Variants in CLNK observed in about 807,000 individuals in gnomAD.
CLNK encodes the protein cytokine-dependent hematopoietic cell linker.
CLNK carries 74 observed loss-of-function variants against 68.6 expected under a neutral mutation model. The observed-to-expected ratio is 1.08, with a 90% confidence interval of 0.89 to 1.31. The LOEUF is 1.31. CLNK is among the 50% of genes most tolerant of loss of function. CLNK has a pLI of 0.00. For synonymous variants in CLNK, 198 were observed against 172.2 expected (o/e 1.15, Z -1.17); for missense variants, 553 against 515.3 (o/e 1.07, Z -0.71).
chr4:10,612,853 C>T (rs903587804), intron 2 of CLNK, among the ~76,000 whole-genome samples: 3 of 152,110 alleles, frequency 2.0e-5, no homozygotes, highest in East Asian at 1.9e-4. Flanking sequence ...CATTTGGCAT[C>T]GAAGGTGTTT....
intron 17 of CLNK, among the ~76,000 whole-genome samples, chr4:10,504,067 C>T (rs1347811924): frequency 2.0e-5 from 3 of 150,476 alleles, no homozygotes; most frequent in African/African-American, 4.9e-5. Flanking sequence ...ACGTGTGAGC[C>T]ATCGCGCCCG....
chr4:10,664,138 T>C (rs1370932550), intron 2 of CLNK, among the ~76,000 whole-genome samples: 2 of 152,146 alleles, frequency 1.3e-5, no homozygotes, highest in African/African-American at 4.8e-5. Flanking sequence ...GATTCCAGGT[T>C]ATAAAATTGT....
chr4:10,515,333 A>G lies in CLNK; in HGVS notation c.773-1736T>C, dbSNP rs144138783. On this transcript the variant is annotated intron_variant, in intron 15 of 18. Coordinates refer to ENST00000226951, the MANE Select transcript of CLNK (RefSeq NM_052964.4). ...AAGGCTCTGAATGGACTGTCTACTC[A>G]TATTTCTCCATCCTCATCCTGATTT... 6.5e-3 allele frequency among the ~76,000 whole-genome samples: 983 copies of G among 152,032 alleles called. 10 individuals carry two copies. The highest frequency in any genetic ancestry group is 0.023 in the African/African-American group (934 of 41,488).
intron 2 of CLNK, among the ~76,000 whole-genome samples, chr4:10,658,716 GACTGTTA>G (rs1395993951): frequency 6.6e-6 from 1 of 152,182 alleles, no homozygotes; most frequent in Non-Finnish European, 1.5e-5. Context: ...GAGCTGGCCA[GACTGTTA>G]AAGACTATGC....
intron 5 of CLNK, 42 bp from the exon 6 acceptor site, chr4:10,566,192 A>C: frequency 1.2e-6 from 2 of 1,603,316 alleles, no homozygotes; most frequent in Non-Finnish European, 1.7e-6. Context: ...AGGAAGGTAC[A>C]ATGTTGACAA....
At position 10,532,241 on chromosome 4, in the gene CLNK, A is replaced by G. The variant is rs571725468; in HGVS notation, c.630+15T>C. On this transcript the variant is annotated intron_variant, in intron 12 of 18. Transcript: ENST00000226951. Reference sequence around the variant, plus strand: ...AATTCCCTTCTTTGCTTCCAAGGATAAAATTGCTACTTACCTCACTTAAGT... The same window carrying G: ...AATTCCCTTCTTTGCTTCCAAGGATGAAATTGCTACTTACCTCACTTAAGT... 3.1e-6 allele frequency: 5 copies of G among 1,603,092 alleles called. No individual in the cohort carries two copies. The South Asian group carries it at 5.5e-5, about 18-fold the overall frequency.
rs1177675641 is a variant in CLNK at position 10,566,091 on chromosome 4, A to G, written c.210T>C (p.Asp70=). The G allele has an allele frequency of 6.2e-7, 1 of 1,613,938 alleles. No individual in the cohort carries two copies. Among genetic ancestry groups the G allele is most frequent in the Admixed American group, 1.7e-5 (1 of 60,022 alleles). The change falls in exon 6 of 19, where the codon GAT becomes GAC. Residue 70 remains aspartate, a synonymous_variant. Coordinates refer to ENST00000226951, the MANE Select transcript of CLNK (RefSeq NM_052964.4). The part of the protein sequence containing the change: ...GAKGHSDDDY[D]DPELRMEETW... ...TCTCTTCCATCCGAAGCTCAGGGTC[A>G]TCATAGTCATCATCACTGTGGCCTT... is the stretch of plus-strand genomic sequence containing the variant.
intron 4 of CLNK, among the ~76,000 whole-genome samples, chr4:10,572,742 TAAGTA>T (rs1280128729): frequency 6.6e-6 from 1 of 152,242 alleles, no homozygotes; most frequent in Non-Finnish European, 1.5e-5. Context: ...GAATTTCATC[TAAGTA>T]TTGTGGAGGA....
At chr4:10,625,583 G>C (rs1234614094) in intron 2 of CLNK, among the ~76,000 whole-genome samples, 1 of 152,144 alleles carries the variant, frequency 6.6e-6, no homozygotes, top group Non-Finnish European at 1.5e-5. Flanking sequence ...GAGAGATACA[G>C]AGAGACAGGG....
chr4:10,692,507 C>T, the CLNK span, among the ~76,000 whole-genome samples: 2 of 152,130 alleles, frequency 1.3e-5, no homozygotes, highest in Non-Finnish European at 2.9e-5. Flanking sequence ...AACGTGGCTC[C>T]CTAATGGTCA....
At chr4:10,525,604 A>G (rs1718282457) in intron 14 of CLNK, among the ~76,000 whole-genome samples, 1 of 152,188 alleles carries the variant, frequency 6.6e-6, no homozygotes, top group South Asian at 2.1e-4. Flanking sequence ...TTAATATTTA[A>G]TCCTTAAAAT....
At chr4:10,725,811 G>A in the CLNK span, among the ~76,000 whole-genome samples, 5 of 151,300 alleles carry the variant, frequency 3.3e-5, no homozygotes, top group African/African-American at 9.7e-5. Context: ...GCCGAGATGC[G>A]CCACTGCACT....
At chr4:10,636,591 T>C (rs1021910604) in intron 2 of CLNK, among the ~76,000 whole-genome samples, 1 of 151,542 alleles carries the variant, frequency 6.6e-6, no homozygotes, top group South Asian at 2.1e-4. Flanking sequence ...GGGACCTGAG[T>C]GGTCTTGGGT....
rs1717032737 is a variant in CLNK at position 10,501,254 on chromosome 4, ACCTCATCT to A, written c.1134_1140+1del. 6.4e-7 allele frequency: 1 copy of A among 1,566,746 alleles called. No individual in the cohort carries two copies. Among genetic ancestry groups the A allele is most frequent in the Non-Finnish European group, 8.6e-7 (1 of 1,164,560 alleles). On this transcript the variant is annotated splice_donor_variant and coding_sequence_variant, in exon 18 of 19. Transcript: ENST00000226951. LOFTEE classifies it high-confidence loss of function. ...ACAGGGAGGCTGTTAAGTTATACCC[ACCTCATCT>A]CCTCTGAGTCCTGTCCCCAGGGCAA...
At chr4:10,730,366 CAA>C in the CLNK span, among the ~76,000 whole-genome samples, 1 of 152,178 alleles carries the variant, frequency 6.6e-6, no homozygotes, top group African/African-American at 2.4e-5. Flanking sequence ...GGTCTATTGT[CAA>C]GTCGTACTGA....
At chr4:10,554,860 T>C (rs1377960912) in intron 8 of CLNK, among the ~76,000 whole-genome samples, 1 of 152,302 alleles carries the variant, frequency 6.6e-6, no homozygotes, top group African/African-American at 2.4e-5. Flanking sequence ...GCGCTTTGTA[T>C]AGTCTGGATG....
chr4:10,704,921 A>C, the CLNK span, among the ~76,000 whole-genome samples: 1 of 152,206 alleles, frequency 6.6e-6, no homozygotes, highest in Non-Finnish European at 1.5e-5. Context: ...TCTTAAATTC[A>C]GTCCTAAATG....
intron 2 of CLNK, among the ~76,000 whole-genome samples, chr4:10,599,622 C>G (rs766393279): frequency 6.6e-6 from 1 of 152,178 alleles, no homozygotes; most frequent in Non-Finnish European, 1.5e-5. Flanking sequence ...CCAGCAGACA[C>G]AGGCCTTTTT....
At chr4:10,705,690 T>A in the CLNK span, among the ~76,000 whole-genome samples, 1 of 152,230 alleles carries the variant, frequency 6.6e-6, no homozygotes, top group African/African-American at 2.4e-5. Flanking sequence ...CAAGCCAGGA[T>A]AATTTCTCAA....
Sources: gnomAD v4.1 joint callset for allele counts (sites outside exome capture counted in the v4.1 genomes callset) on GRCh38, gnomAD v4.1.1 for gene constraint, MANE v1.5 for transcripts, NCBI Gene and HGNC (gene_info 2026-07-23, HGNC 2026-07-21) for gene names.